The following PKHD1 variants were observed in gnomAD, a reference collection of about 807,000 sequenced individuals.
PKHD1 encodes fibrocystin.
Under a neutral mutation model 412.0 loss-of-function variants are expected in PKHD1, and 291 were observed. That is an observed-to-expected ratio of 0.71 (90% CI 0.64 to 0.78). The LOEUF is 0.78. PKHD1 is among the 30% of genes least tolerant of loss of function. The pLI is 0.00. For missense variants in PKHD1, 4,825 were observed against 4,950.7 expected, an observed-to-expected ratio of 0.97 and a Z score of 0.76; for synonymous variants, 1,777 against 1,821.5, an observed-to-expected ratio of 0.98 and a Z score of 0.62.
chr6:51,636,651 A>C (rs1191406503), intron 64 of PKHD1, among the ~76,000 whole-genome samples: 1 of 152,204 alleles, frequency 6.6e-6, no homozygotes, highest in Non-Finnish European at 1.5e-5. Flanking sequence ...ATTATTTTGA[A>C]GCCTATTAGA....
rs147451508 is a variant in PKHD1, at chr6:51,954,358, G to A, written c.5908+5512C>T. On this transcript the variant is annotated intron_variant, in intron 36 of 66. Transcript: ENST00000371117. ...AAAACCTGAGACTTACAGAAGGTCT[G>A]CAACTTGCCCAAGGTCACAGAGCTG... 1.4e-3 allele frequency among the ~76,000 whole-genome samples: 214 copies of A among 152,214 alleles called. 1 individual carries two copies. The highest frequency in any genetic ancestry group is 4.9e-3 in the African/African-American group (205 of 41,568).
intron 52 of PKHD1, among the ~76,000 whole-genome samples, chr6:51,829,340 T>C (rs989658452): frequency 6.6e-6 from 1 of 152,046 alleles, no homozygotes; most frequent in African/African-American, 2.4e-5. Flanking sequence ...CCAAGCAAAA[T>C]GGCCAAGATT....
intron 55 of PKHD1, among the ~76,000 whole-genome samples, chr6:51,770,461 C>A (rs1169746967): frequency 7.1e-6 from 1 of 141,306 alleles, no homozygotes; most frequent in African/African-American, 2.4e-5. Flanking sequence ...TTTAAGTTTT[C>A]CTCTGGTAAA....
intron 43 of PKHD1, among the ~76,000 whole-genome samples, chr6:51,887,986 T>C (rs1426493905): frequency 6.6e-6 from 1 of 152,210 alleles, no homozygotes; most frequent in Non-Finnish European, 1.5e-5. Flanking sequence ...TTCTCCTCTT[T>C]GGTGAATGCA....
chr6:51,912,473 T>C lies in PKHD1; in HGVS notation c.6225A>G (p.Glu2075=). ...CACCTGTTCCACTGATGATGACAAC[T>C]TCATCCCCAGGGTTCCAGTCCACAG... is the stretch of plus-strand genomic sequence containing the variant. ...EDAVDWNPGD[E]VVIISGTGVK... The change falls in exon 38 of 67, where the codon GAA becomes GAG. Residue 2075 remains glutamate (E), a synonymous_variant. Coordinates refer to ENST00000371117, the MANE Select transcript of PKHD1 (RefSeq NM_138694.4). 3 of 1,611,778 alleles carry C rather than the reference T, an allele frequency of 1.9e-6. No individual in the cohort carries two copies. The highest frequency in any genetic ancestry group is 2.5e-6 in the Non-Finnish European group (3 of 1,178,034).
intron 27 of PKHD1, among the ~76,000 whole-genome samples, chr6:52,040,620 C>T (rs912077604): frequency 2.6e-5 from 4 of 152,212 alleles, no homozygotes; most frequent in Non-Finnish European, 5.9e-5. Flanking sequence ...CCATGGCAAC[C>T]TCCATGACAT....
intron 55 of PKHD1, among the ~76,000 whole-genome samples, chr6:51,768,011 A>C (rs938599105): frequency 9.2e-5 from 14 of 151,982 alleles, no homozygotes; most frequent in African/African-American, 3.4e-4. Context: ...TCGCCATTCT[A>C]ACTGGTGTGA....
At position 51,746,761 on chromosome 6, in the gene PKHD1, T is replaced by G. The variant is rs200194639; in HGVS notation, c.9958A>C (p.Lys3320Gln). 3 of 1,610,890 alleles carry G rather than the reference T, an allele frequency of 1.9e-6. No homozygotes were observed. Among genetic ancestry groups the G allele is most frequent in the African/African-American group, 2.7e-5 (2 of 74,870 alleles). Residue 3320 changes from lysine to glutamine, a missense_variant, in exon 59 of 67, where the codon AAA becomes CAA. Lys to Gln is a moderately conservative substitution (Grantham distance 53). Transcript: ENST00000371117. ...GGAAAGTAGAACTTGTTTTTATCTT[T>G]TATCTTTAGCATCCTGGTCCTCTCT... ...TAERTRMLKI[K>Q]DKNKFYFPSL...
chr6:51,821,223 A>G (rs930543727), intron 52 of PKHD1, among the ~76,000 whole-genome samples: 2 of 152,128 alleles, frequency 1.3e-5, no homozygotes, highest in Admixed American at 6.6e-5. Context: ...ATTTTTATTA[A>G]CCCTCAGCAA....
At chr6:51,805,343 T>C (rs887389746) in intron 52 of PKHD1, among the ~76,000 whole-genome samples, 1 of 110,262 alleles carries the variant, frequency 9.1e-6, no homozygotes, top group African/African-American at 3.0e-5. Flanking sequence ...CACATGGACA[T>C]AGAAATGAAA....
At chr6:51,766,810 T>G (rs967287244) in intron 55 of PKHD1, among the ~76,000 whole-genome samples, 3 of 152,044 alleles carry the variant, frequency 2.0e-5, no homozygotes, top group African/African-American at 7.2e-5. Flanking sequence ...AAACATTTTC[T>G]AGTTGATCAT....
intron 61 of PKHD1, among the ~76,000 whole-genome samples, chr6:51,654,588 GA>G (rs1771508903): frequency 6.6e-6 from 1 of 151,286 alleles, no homozygotes; most frequent in African/African-American, 2.4e-5. Context: ...TCTGGATGTG[GA>G]TATGTCAACA....
Position 51,753,342 on chromosome 6 carries a change from C to T in PKHD1, c.8809G>A (p.Val2937Ile). 6 of 1,613,602 alleles carry T rather than the reference C, an allele frequency of 3.7e-6. No homozygotes were observed. The highest frequency in any genetic ancestry group is 5.1e-6 in the Non-Finnish European group (6 of 1,179,664). ...LKHRHIGSVHVTEDGRHIRLA... is the reference protein window; with the variant it reads ...LKHRHIGSVHITEDGRHIRLA... ...CGAATGTGTCGGCCATCCTCCGTGA[C>T]ATGTACACTTCCTGGGGCAATAGGA... The change falls in exon 57 of 67, where the codon GTC (valine) becomes ATC (isoleucine). Residue 2937 changes from valine to isoleucine, a missense_variant. Transcript: ENST00000371117.
At chr6:51,847,363 C>CAGT (rs1288510746) in intron 50 of PKHD1, among the ~76,000 whole-genome samples, 2 of 150,212 alleles carry the variant, frequency 1.3e-5, no homozygotes, top group Admixed American at 1.3e-4. Flanking sequence ...TTTACATGTG[C>CAGT]AGTTGTTCCA....
chr6:52,032,596 C>T (rs1303124371), intron 29 of PKHD1, among the ~76,000 whole-genome samples: 4 of 152,176 alleles, frequency 2.6e-5, no homozygotes, highest in Non-Finnish European at 5.9e-5. Flanking sequence ...TTGGTATATA[C>T]AAACAGATGA....
At chr6:51,736,459 C>G (rs1481272467) in intron 60 of PKHD1, among the ~76,000 whole-genome samples, 5 of 152,184 alleles carry the variant, frequency 3.3e-5, no homozygotes, top group African/African-American at 1.2e-4. Flanking sequence ...GTATCCCCCC[C>G]TGCTTGGGAT....
At chr6:51,927,543 C>T (rs1233388399) in intron 37 of PKHD1, among the ~76,000 whole-genome samples, 1 of 152,128 alleles carries the variant, frequency 6.6e-6, no homozygotes, top group Non-Finnish European at 1.5e-5. Flanking sequence ...CTGGCCTTTC[C>T]TCCCCTTCCT....
intron 60 of PKHD1, among the ~76,000 whole-genome samples, chr6:51,700,193 A>C (rs1195341039): frequency 6.6e-6 from 1 of 152,132 alleles, no homozygotes; most frequent in African/African-American, 2.4e-5. Context: ...AATATAATAC[A>C]AATTTTAATA....
chr6:51,939,621 T>C (rs1788140642), intron 36 of PKHD1, among the ~76,000 whole-genome samples: 1 of 151,634 alleles, frequency 6.6e-6, no homozygotes, highest in African/African-American at 2.4e-5. Flanking sequence ...TATCGTAAAA[T>C]AGACAAACCG....
Sources: allele counts gnomAD v4.1 joint callset (sites outside exome capture counted in the v4.1 genomes callset), GRCh38; gene constraint gnomAD v4.1.1; transcripts MANE v1.5; gene names NCBI Gene and HGNC (gene_info 2026-07-23, HGNC 2026-07-21).